The following CSMD3 variants were observed in gnomAD, a reference collection of about 807,000 sequenced individuals.
CSMD3 encodes CUB and sushi domain-containing protein 3.
CSMD3 carries 177 observed loss-of-function variants against 435.2 expected under a neutral mutation model. The observed-to-expected ratio is 0.41, with a 90% CI of 0.36 to 0.46. The LOEUF (loss-of-function observed/expected upper bound fraction) is 0.46, where lower values mean the gene tolerates loss of function less well. Ranked by LOEUF, CSMD3 falls within the 20% of genes least tolerant of loss-of-function variation. The probability of loss-of-function intolerance (pLI) is 0.34; values close to 1 mark genes in which losing one functional copy is unlikely to be tolerated. For missense variants in CSMD3, 4,265 were observed against 4,504.6 expected, an observed-to-expected ratio of 0.95 and a Z score of 1.52; for synonymous variants, 1,656 against 1,520.5, an observed-to-expected ratio of 1.09 and a Z score of -2.07.
At position 112,506,730 on chromosome 8, in the gene CSMD3, G is replaced by A. The variant is rs749342348; in HGVS notation, c.4856C>T (p.Thr1619Ile). Reference protein sequence around the residue: ...PHSRDCDWTITVNADYVISLA... With the variant: ...PHSRDCDWTIIVNADYVISLA... The stretch of plus-strand genomic sequence containing the variant: ...GGAGATAACATAGTCTGCATTGACG[G>A]TGATAGTCCAGTCACAGTCTCTGCT... Residue 1619 changes from threonine (T) to isoleucine (I), a missense_variant, in exon 29 of 71, where the codon ACC (threonine) becomes ATC (isoleucine). By Grantham distance (89) the Thr-to-Ile change is moderately conservative. This residue lies in a region of CSMD3 where 3,255 missense variants were observed against 3,380.2 expected (regional missense o/e 0.96). Transcript: ENST00000297405. The A allele has an allele frequency of 2.5e-6, 4 of 1,613,578 alleles. No individual in the cohort carries two copies. Among genetic ancestry groups the A allele is most frequent in the Non-Finnish European group, 3.4e-6 (4 of 1,179,564 alleles).
chr8:112,377,603 G>C (rs1397844489), intron 38 of CSMD3, among the ~76,000 whole-genome samples: 1 of 151,984 alleles, frequency 6.6e-6, no homozygotes, highest in East Asian at 1.9e-4. Flanking sequence ...TCAACAACAT[G>C]ATAGTAAGCC....
chr8:113,036,642 C>T (rs1451973640), intron 5 of CSMD3, among the ~76,000 whole-genome samples: 1 of 152,062 alleles, frequency 6.6e-6, no homozygotes, highest in Non-Finnish European at 1.5e-5. Context: ...TGCCCATTCC[C>T]TCTTTCTCCC....
At chr8:112,721,480 G>T (rs2076856705) in intron 13 of CSMD3, among the ~76,000 whole-genome samples, 1 of 152,122 alleles carries the variant, frequency 6.6e-6, no homozygotes, top group Non-Finnish European at 1.5e-5. Flanking sequence ...GGAGGCTGAG[G>T]CATGAGAATC....
chr8:112,371,179 C>T (rs1436650951), intron 38 of CSMD3, among the ~76,000 whole-genome samples: 18 of 152,122 alleles, frequency 1.2e-4, no homozygotes, highest in Non-Finnish European at 1.5e-5. Context: ...ATGGGGCACA[C>T]GCTGCTGGGC....
intron 59 of CSMD3, among the ~76,000 whole-genome samples, chr8:112,279,747 T>A (rs1035025853): frequency 1.3e-5 from 2 of 152,156 alleles, no homozygotes; most frequent in African/African-American, 4.8e-5. Context: ...ATGCCCCTGA[T>A]TAAGACCTCC....
intron 51 of CSMD3, among the ~76,000 whole-genome samples, chr8:112,305,232 A>C (rs994325188): frequency 6.6e-6 from 1 of 152,096 alleles, no homozygotes; most frequent in African/African-American, 2.4e-5. Flanking sequence ...ATTTTGAGGA[A>C]ATTTTTTTGA....
intron 10 of CSMD3, among the ~76,000 whole-genome samples, chr8:112,862,325 T>C (rs1442703741): frequency 6.6e-6 from 1 of 152,036 alleles, no homozygotes; most frequent in Admixed American, 6.6e-5. Context: ...TTCTATAATA[T>C]TAGTCTGAAG....
chr8:112,242,818 T>A (rs948525447), intron 65 of CSMD3, among the ~76,000 whole-genome samples: 3 of 152,016 alleles, frequency 2.0e-5, no homozygotes, highest in African/African-American at 7.2e-5. Flanking sequence ...ATAAGATAAA[T>A]AAGCCAGAAA....
intron 4 of CSMD3, among the ~76,000 whole-genome samples, chr8:113,126,361 A>G (rs1314508719): frequency 6.6e-6 from 1 of 151,968 alleles, no homozygotes; most frequent in Non-Finnish European, 1.5e-5. Flanking sequence ...CTGGAAAAAT[A>G]CTTGAAAATT....
intron 5 of CSMD3, among the ~76,000 whole-genome samples, chr8:113,055,457 G>A (rs117757344): frequency 0.026 from 3,890 of 152,198 alleles, 79 homozygotes; most frequent in Middle Eastern, 0.061. Context: ...TTAGTCATAG[G>A]AGACCTTCTT....
intron 13 of CSMD3, among the ~76,000 whole-genome samples, chr8:112,753,032 C>T (rs1354964206): frequency 1.3e-5 from 2 of 151,770 alleles, no homozygotes; most frequent in East Asian, 1.9e-4. Flanking sequence ...CTCAAATGAT[C>T]CTCCTGCCTC....
intron 31 of CSMD3, among the ~76,000 whole-genome samples, chr8:112,488,934 T>C (rs1447225625): frequency 6.6e-6 from 1 of 152,060 alleles, no homozygotes; most frequent in Non-Finnish European, 1.5e-5. Flanking sequence ...AATAAGAGGA[T>C]AGAGAGGGAT....
At chr8:113,252,798 G>C (rs2093345899) in intron 3 of CSMD3, among the ~76,000 whole-genome samples, 1 of 152,048 alleles carries the variant, frequency 6.6e-6, no homozygotes, top group East Asian at 1.9e-4. Context: ...CATAAGTAGT[G>C]GGTGGACCAA....
chr8:112,245,989 C>T (rs984997156), intron 64 of CSMD3, among the ~76,000 whole-genome samples: 4 of 152,120 alleles, frequency 2.6e-5, no homozygotes, highest in South Asian at 2.1e-4. Flanking sequence ...CAGTGACAGA[C>T]GCTGTTTAAC....
At chr8:112,873,733 G>C (rs2081199504) in intron 10 of CSMD3, among the ~76,000 whole-genome samples, 1 of 152,036 alleles carries the variant, frequency 6.6e-6, no homozygotes, top group Non-Finnish European at 1.5e-5. Context: ...ATGGTAGTTT[G>C]TATTTCTGTG....
intron 4 of CSMD3, among the ~76,000 whole-genome samples, chr8:113,147,705 C>T (rs1453907581): frequency 6.6e-6 from 1 of 151,568 alleles, no homozygotes; most frequent in Admixed American, 6.6e-5. Context: ...TGCCACTTGG[C>T]TGTCTTAAAG....
intron 3 of CSMD3, among the ~76,000 whole-genome samples, chr8:113,277,639 T>G (rs1456557173): frequency 6.6e-6 from 1 of 151,968 alleles, no homozygotes; most frequent in Non-Finnish European, 1.5e-5. Flanking sequence ...TGCTACGGTA[T>G]TTATGTATCT....
chr8:112,282,251 C>CATGCGCGTATGTGTGTGT, intron 58 of CSMD3, among the ~76,000 whole-genome samples: 1 of 150,346 alleles, frequency 6.7e-6, no homozygotes, highest in Non-Finnish European at 1.5e-5. Flanking sequence ...TGTGTGTGTG[C>CATGCGCGTATGTGTGTGT]ATGCGCGTAT....
chr8:112,970,252 C>T (rs898581316), intron 7 of CSMD3, among the ~76,000 whole-genome samples: 1 of 151,484 alleles, frequency 6.6e-6, no homozygotes, highest in African/African-American at 2.4e-5. Flanking sequence ...TAATATTGAG[C>T]TTTAGGGTTT....
Sources: gnomAD v4.1 joint callset for allele counts (sites outside exome capture counted in the v4.1 genomes callset) on GRCh38, gnomAD v4.1.1 for gene constraint, gnomAD v4.1.1 regional missense constraint, MANE v1.5 for transcripts, NCBI Gene and HGNC (gene_info 2026-07-23, HGNC 2026-07-21) for gene names.